The following UGT1A8 variants were observed in gnomAD, a reference collection of about 807,000 sequenced individuals.
UGT1A8 encodes UDP-glucuronosyltransferase 1A8.
UGT1A8 carries 39 observed loss-of-function variants against 45.3 expected under a neutral mutation model. The ratio of observed to expected loss-of-function variants is 0.86; its 90% confidence interval spans 0.67 to 1.12. The LOEUF (loss-of-function observed/expected upper bound fraction) is 1.12, where lower values mean the gene tolerates loss of function less well. UGT1A8 is among the 50% of genes most tolerant of loss of function. The pLI is 0.00. For synonymous variants in UGT1A8, 275 were observed against 249.2 expected (o/e 1.10, Z -0.97); for missense variants, 719 against 664.9 (o/e 1.08, Z -0.90).
At chr2:233,750,281 G>C (rs1417802179) in intron 1 of UGT1A8, among the ~76,000 whole-genome samples, 1 of 151,952 alleles carries the variant, frequency 6.6e-6, no homozygotes, top group Non-Finnish European at 1.5e-5. Context: ...CAAAGAGACT[G>C]GTGGCATTTT....
intron 1 of UGT1A8, among the ~76,000 whole-genome samples, chr2:233,634,220 T>C (rs1035238647): frequency 1.3e-5 from 2 of 152,222 alleles, no homozygotes; most frequent in African/African-American, 4.8e-5. Flanking sequence ...AGGAGTGTTT[T>C]GCTTCCAATT....
intron 1 of UGT1A8, among the ~76,000 whole-genome samples, chr2:233,731,354 T>C (rs910917478): frequency 6.6e-5 from 10 of 151,866 alleles, no homozygotes; most frequent in African/African-American, 2.4e-4. Context: ...GATACATAGG[T>C]ATACATGTGC....
chr2:233,622,200 T>C (rs1026807980), intron 1 of UGT1A8, among the ~76,000 whole-genome samples: 1 of 152,190 alleles, frequency 6.6e-6, no homozygotes, highest in East Asian at 1.9e-4. Flanking sequence ...TACGTGTGCA[T>C]GTGTCTTTAT....
rs78082792 is a variant in UGT1A8, at chr2:233,692,722, A to G, written c.855+74160A>G. On this transcript the variant is annotated intron_variant, in intron 1 of 4. Transcript: ENST00000373450. Reference sequence around the variant, plus strand: ...TCCAAGTCATCTTCAAAGTGTTGCTATAACTTTTCAGAGAGGGAGAAGCAG... The same window carrying G: ...TCCAAGTCATCTTCAAAGTGTTGCTGTAACTTTTCAGAGAGGGAGAAGCAG... The G allele has an allele frequency of 1.9e-4, 158 of 845,282 alleles. No homozygotes were observed. The East Asian group carries it at 6.8e-3, about 36-fold the overall frequency. 52.4% of individuals were successfully genotyped at this position (845,282 alleles called of 1,614,324 possible).
intron 1 of UGT1A8, chr2:233,713,367 A>G (rs764672319): frequency 5.0e-6 from 8 of 1,614,076 alleles, no homozygotes; most frequent in Middle Eastern, 3.3e-4. Context: ...GATCATACAT[A>G]GGTCTTGTGT....
At chr2:233,738,879 G>A (rs1446343091) in intron 1 of UGT1A8, 1 of 152,238 alleles carries the variant, frequency 6.6e-6, no homozygotes, top group Admixed American at 6.5e-5. Context: ...TCCAGGGCAT[G>A]TCAGAGACCT....
chr2:233,654,765 AC>A (rs971901482), intron 1 of UGT1A8, among the ~76,000 whole-genome samples: 38 of 152,128 alleles, frequency 2.5e-4, no homozygotes, highest in African/African-American at 8.0e-4. Flanking sequence ...ACTGTTTTAG[AC>A]CCAGTCCAGT....
Position 233,751,190 on chromosome 2 carries a change from G to C in UGT1A8, c.856-15844G>C, listed in dbSNP as rs551144438. Among the ~76,000 whole-genome samples the C allele has an allele frequency of 1.2e-4, 18 of 152,080 alleles. 2 individuals carry two copies. Among genetic ancestry groups the C allele is most frequent in the African/African-American group, 4.4e-4 (18 of 41,324 alleles). ...CCTAGATATGAGACATGAAGTTAAA[G>C]GTGATAATTTTGGAGCTTTAAGATT... On this transcript the variant is annotated intron_variant, in intron 1 of 4. Transcript: ENST00000373450.
chr2:233,675,973 T>A (rs1175855092), intron 1 of UGT1A8, among the ~76,000 whole-genome samples: 2 of 152,174 alleles, frequency 1.3e-5, no homozygotes, highest in Non-Finnish European at 2.9e-5. Flanking sequence ...TCACACAACA[T>A]CTTTCCATAC....
At chr2:233,718,992 G>T (rs746825567) in intron 1 of UGT1A8, 3 of 1,614,262 alleles carry the variant, frequency 1.9e-6, no homozygotes, top group Non-Finnish European at 2.5e-6. Flanking sequence ...AGGCCACCAG[G>T]CGGTGGTCCT....
chr2:233,632,658 T>G (rs926580527), intron 1 of UGT1A8, among the ~76,000 whole-genome samples: 1 of 152,204 alleles, frequency 6.6e-6, no homozygotes, highest in African/African-American at 2.4e-5. Flanking sequence ...ATAGGAATGC[T>G]TGTGATTTTT....
intron 1 of UGT1A8, chr2:233,690,796 CACA>C (rs565926671): frequency 2.6e-6 from 3 of 1,135,126 alleles, no homozygotes; most frequent in South Asian, 2.0e-5. Context: ...CACACACACA[CACA>C]CCATTCTTAG....
intron 1 of UGT1A8, among the ~76,000 whole-genome samples, chr2:233,647,023 C>CA (rs1194193810): frequency 1.3e-5 from 2 of 152,112 alleles, no homozygotes; most frequent in Admixed American, 6.5e-5. Flanking sequence ...ACAATCATGG[C>CA]AAAAGTCAAG....
At chr2:233,688,425 CTA>C (rs2074893885) in intron 1 of UGT1A8, among the ~76,000 whole-genome samples, 1 of 152,216 alleles carries the variant, frequency 6.6e-6, no homozygotes, top group Non-Finnish European at 1.5e-5. Context: ...TGCCTAACCT[CTA>C]TACCTGACTG....
At chr2:233,652,890 C>T (rs755728486) in intron 1 of UGT1A8, among the ~76,000 whole-genome samples, 8 of 152,070 alleles carry the variant, frequency 5.3e-5, no homozygotes, top group Non-Finnish European at 1.2e-4. Context: ...TATTTATGAC[C>T]CAGATTTGGA....
chr2:233,729,342 G>T (rs368262266), intron 1 of UGT1A8: 19 of 1,614,080 alleles, frequency 1.2e-5, no homozygotes, highest in Admixed American at 6.7e-5. Context: ...TCAAAGAAGA[G>T]AACTTTTTCA....
At chr2:233,731,882 C>A (rs2078215677) in intron 1 of UGT1A8, among the ~76,000 whole-genome samples, 2 of 152,208 alleles carry the variant, frequency 1.3e-5, no homozygotes, top group Admixed American at 6.5e-5. Context: ...AATGGTTGAA[C>A]TAATTTACAC....
chr2:233,742,574 G>A lies in UGT1A8; in HGVS notation c.856-24460G>A, dbSNP rs544718368. On this transcript the variant is annotated intron_variant, in intron 1 of 4. Coordinates refer to ENST00000373450, the MANE Select transcript of UGT1A8 (RefSeq NM_019076.5). ...TAGGGGCCAGCTTCTGGCCGGAATT[G>A]GGGGCTTATCCCCAGCAACCTACCA... Among the ~76,000 whole-genome samples the A allele has an allele frequency of 5.3e-5, 8 of 151,892 alleles. No homozygotes were observed. In the South Asian group the frequency reaches 1.7e-3, roughly 31 times the overall value.
rs982147762 is a variant in UGT1A8 at position 233,628,982 on chromosome 2, C to T, written c.855+10420C>T. On this transcript the variant is annotated intron_variant, in intron 1 of 4. Transcript: ENST00000373450. ...TGAAAACACATAGCATAAAATATAT[C>T]ATCTTCATCACTTTAGGTGCACAGT... is the stretch of plus-strand genomic sequence containing the variant. Among the ~76,000 whole-genome samples the T allele has an allele frequency of 4.0e-5, 6 of 151,890 alleles. No homozygotes were observed. The East Asian group carries it at 1.2e-3, about 29-fold the overall frequency.
Sources: gnomAD v4.1 joint callset for allele counts (sites outside exome capture counted in the v4.1 genomes callset) on GRCh38, gnomAD v4.1.1 for gene constraint, MANE v1.5 for transcripts, NCBI Gene and HGNC (gene_info 2026-07-23, HGNC 2026-07-21) for gene names.